Variants in DNAJB6 observed in about 807,000 individuals in gnomAD.
DNAJB6 encodes DnaJ heat shock protein family (Hsp40) member B6.
In DNAJB6, 16 loss-of-function variants were observed where a neutral mutation model predicts 42.7. That is an observed-to-expected ratio of 0.37 (90% CI 0.25 to 0.57). The LOEUF (loss-of-function observed/expected upper bound fraction) is 0.57. Ranked by LOEUF, DNAJB6 falls within the 20% of genes least tolerant of loss-of-function variation. The pLI is 0.74. For synonymous variants in DNAJB6, 170 were observed against 163.5 expected (o/e 1.04, Z -0.30); for missense variants, 347 against 416.8 (o/e 0.83, Z 1.46).
At chr7:157,358,674 A>G (rs1369711904) in intron 2 of DNAJB6, 37 bp downstream of exon 2, 14 of 1,511,858 alleles carry the variant, frequency 9.3e-6, no homozygotes, top group South Asian at 2.2e-5. Flanking sequence ...GCATTTTCAC[A>G]GTGGTACATT....
chr7:157,369,498 T>C (rs976143978), intron 5 of DNAJB6: 4 of 439,318 alleles, frequency 9.1e-6, no homozygotes, highest in African/African-American at 8.1e-5. Context: ...GTCCTCGTGA[T>C]GTCTGAGACC....
chr7:157,374,191 C>A (rs887455998), intron 5 of DNAJB6, among the ~76,000 whole-genome samples: 1 of 152,198 alleles, frequency 6.6e-6, no homozygotes, highest in African/African-American at 2.4e-5. Flanking sequence ...TCTTGGAGAA[C>A]ATGCCAAACT....
chr7:157,346,929 CACTGCAA>C (rs990806670), intron 1 of DNAJB6, among the ~76,000 whole-genome samples: 1 of 152,168 alleles, frequency 6.6e-6, no homozygotes, highest in African/African-American at 2.4e-5. Context: ...GATCTCGGCG[CACTGCAA>C]GCTCCACCTC....
At chr7:157,366,123 G>A (rs1000256128) in intron 3 of DNAJB6, among the ~76,000 whole-genome samples, 2 of 151,840 alleles carry the variant, frequency 1.3e-5, no homozygotes, top group African/African-American at 2.4e-5. Context: ...GCTAATTATT[G>A]TATTTTTACA....
At chr7:157,382,447 TTTAG>T (rs1455178020) in intron 6 of DNAJB6, 70 bp downstream of exon 6, 4 of 1,498,302 alleles carry the variant, frequency 2.7e-6, no homozygotes, top group African/African-American at 2.8e-5. Flanking sequence ...ATAATACTCT[TTTAG>T]TTAGAGTGCT....
In DNAJB6 at chr7:157,349,475, G is replaced by A. The variant is rs566262272; in HGVS notation, c.-26-9072G>A. On this transcript the variant is annotated intron_variant, in intron 1 of 9. Coordinates refer to ENST00000262177, the MANE Select transcript of DNAJB6 (RefSeq NM_058246.4). ...AGGTTAGAAAAGACCAGGGGACTTA[G>A]CAGAGTTTTATTACTTTTTTTTTTT... Among the ~76,000 whole-genome samples the A allele has an allele frequency of 2.1e-5, 3 of 142,252 alleles. No individual in the cohort carries two copies. The East Asian group carries it at 6.7e-4, about 32-fold the overall frequency. 93.3% of individuals were successfully genotyped at this position (142,252 alleles called of 152,430 possible). A position where few individuals can be genotyped will look rare whatever the true frequency, so the allele number is the denominator to read the frequency against.
intron 1 of DNAJB6, chr7:157,337,629 G>A (rs1402044962): frequency 1.3e-5 from 2 of 152,272 alleles, no homozygotes; most frequent in Admixed American, 1.3e-4. Flanking sequence ...GAAGAAGCAG[G>A]TGGGGGACCG....
At chr7:157,377,336 GAACT>G (rs775992106) in intron 5 of DNAJB6, among the ~76,000 whole-genome samples, 16 of 152,140 alleles carry the variant, frequency 1.1e-4, no homozygotes, top group Non-Finnish European at 1.6e-4. Context: ...TAAAAAATCA[GAACT>G]CAGTCCTCAA....
chr7:157,346,029 T>A (rs1427984026), intron 1 of DNAJB6, among the ~76,000 whole-genome samples: 1 of 111,106 alleles, frequency 9.0e-6, no homozygotes, highest in East Asian at 4.0e-4. Context: ...CCAGTCCTCC[T>A]GAGGGCCCAC....
At position 157,371,507 on chromosome 7, in the gene DNAJB6, TG is replaced by T. The variant is rs374780344; in HGVS notation, c.346+4026del. 3.3e-3 allele frequency among the ~76,000 whole-genome samples: 505 copies of T among 152,336 alleles called. 3 individuals carry two copies. The highest frequency in any genetic ancestry group is 0.012 in the African/African-American group (482 of 41,562). ...AGACTTGGGCCTGGGGCCTGCGGTGTGGAACCCGTCCTTTACAGAAGAAGCC... is the reference window on the plus strand; with the variant it reads ...AGACTTGGGCCTGGGGCCTGCGGTGTGAACCCGTCCTTTACAGAAGAAGCC... On this transcript the variant is annotated intron_variant, in intron 5 of 9. Coordinates refer to ENST00000262177, the MANE Select transcript of DNAJB6 (RefSeq NM_058246.4).
chr7:157,342,573 T>C (rs1198833640), intron 1 of DNAJB6, among the ~76,000 whole-genome samples: 2 of 152,114 alleles, frequency 1.3e-5, no homozygotes, highest in Non-Finnish European at 1.5e-5. Flanking sequence ...CCGCCTGCCT[T>C]GGCCTCCCAA....
intron 3 of DNAJB6, among the ~76,000 whole-genome samples, chr7:157,363,753 C>G (rs966855892): frequency 6.6e-6 from 1 of 152,300 alleles, no homozygotes; most frequent in South Asian, 2.1e-4. Flanking sequence ...AGTTTCAGGC[C>G]TGTTTTCCCC....
At chr7:157,351,455 CT>C (rs1308439956) in intron 1 of DNAJB6, among the ~76,000 whole-genome samples, 4 of 151,708 alleles carry the variant, frequency 2.6e-5, no homozygotes, top group African/African-American at 9.7e-5. Flanking sequence ...TGGTGAAACC[CT>C]GTCTCTACTA....
intron 8 of DNAJB6, among the ~76,000 whole-genome samples, chr7:157,407,589 A>C (rs146993834): frequency 1.4e-3 from 210 of 151,960 alleles, no homozygotes; most frequent in African/African-American, 4.8e-3. Flanking sequence ...CTCTCCCTCC[A>C]AGGTGGGATG....
At chr7:157,363,363 C>A in intron 3 of DNAJB6, 93 bp downstream of exon 3, 1 of 729,804 alleles carries the variant, frequency 1.4e-6, no homozygotes, top group Non-Finnish European at 2.3e-6. Context: ...ACAGTATGGA[C>A]TCAAGTGACT....
At chr7:157,401,175 G>A (rs1021324771) in intron 8 of DNAJB6, among the ~76,000 whole-genome samples, 3 of 152,146 alleles carry the variant, frequency 2.0e-5, no homozygotes, top group Admixed American at 6.5e-5. Context: ...ATTGCTGGCA[G>A]TCAGAGCTCT....
At chr7:157,386,761 G>A (rs774098968) in intron 8 of DNAJB6, among the ~76,000 whole-genome samples, 2 of 152,060 alleles carry the variant, frequency 1.3e-5, no homozygotes, top group Non-Finnish European at 2.9e-5. Context: ...GCAGGCGCCT[G>A]TAATCCCAGC....
intron 1 of DNAJB6, among the ~76,000 whole-genome samples, chr7:157,346,219 G>A (rs534471128): frequency 1.4e-5 from 2 of 147,830 alleles, no homozygotes; most frequent in South Asian, 2.1e-4. Flanking sequence ...CACAAATGGT[G>A]TCTTTTAAGA....
At chr7:157,408,011 A>G (rs1451430374) in intron 8 of DNAJB6, among the ~76,000 whole-genome samples, 1 of 151,746 alleles carries the variant, frequency 6.6e-6, no homozygotes, top group East Asian at 1.9e-4. Flanking sequence ...GTTTTACTTC[A>G]CTCACGTCAT....
Sources: allele counts gnomAD v4.1 joint callset (sites outside exome capture counted in the v4.1 genomes callset), GRCh38; gene constraint gnomAD v4.1.1; transcripts MANE v1.5; gene names NCBI Gene and HGNC (gene_info 2026-07-23, HGNC 2026-07-21).